The following PACRG variants were observed in gnomAD, a reference collection of about 807,000 sequenced individuals.
The protein encoded by PACRG is parkin coregulated.
In PACRG, 29 loss-of-function variants were observed where a neutral mutation model predicts 29.7. The ratio of observed to expected loss-of-function variants is 0.98; its 90% confidence interval spans 0.73 to 1.33. The LOEUF (loss-of-function observed/expected upper bound fraction) is 1.33, where lower values mean the gene tolerates loss of function less well. Ranked by LOEUF, PACRG falls within the 40% of genes most tolerant of loss-of-function variation. The probability of loss-of-function intolerance (pLI) is 0.00; values close to 1 mark genes in which losing one functional copy is unlikely to be tolerated. For missense variants in PACRG, 279 were observed against 316.2 expected (o/e 0.88, Z 0.89); for synonymous variants, 116 against 118.7 (o/e 0.98, Z 0.15).
chr6:163,257,139 A>G (rs1783145349), intron 4 of PACRG, among the ~76,000 whole-genome samples: 1 of 152,148 alleles, frequency 6.6e-6, no homozygotes, highest in South Asian at 2.1e-4. Flanking sequence ...GATCCTTAAT[A>G]ACATCTGCAA....
At chr6:162,887,765 A>G (rs879915511) in intron 2 of PACRG, among the ~76,000 whole-genome samples, 7 of 152,028 alleles carry the variant, frequency 4.6e-5, no homozygotes, top group Non-Finnish European at 8.8e-5. Context: ...GAGCCATCAG[A>G]CTGGTTTGCA....
chr6:162,950,686 T>G (rs1799582469), intron 2 of PACRG, among the ~76,000 whole-genome samples: 1 of 152,206 alleles, frequency 6.6e-6, no homozygotes, highest in Non-Finnish European at 1.5e-5. Flanking sequence ...TTTTTCTTGG[T>G]AAATGAATTA....
chr6:163,012,176 T>C (rs1805675922), intron 2 of PACRG, among the ~76,000 whole-genome samples: 1 of 152,258 alleles, frequency 6.6e-6, no homozygotes. Context: ...ATTAACATAT[T>C]GTACCCCTTT....
intron 2 of PACRG, among the ~76,000 whole-genome samples, chr6:163,037,166 T>A (rs1239656410): frequency 6.6e-6 from 1 of 152,184 alleles, no homozygotes; most frequent in Non-Finnish European, 1.5e-5. Context: ...TCATGAAATC[T>A]GGGAGTGGCA....
At position 162,975,246 on chromosome 6, in the gene PACRG, CT is replaced by C. The variant is rs1429857040; in HGVS notation, c.292-86903del. On this transcript the variant is annotated intron_variant, in intron 2 of 4. Coordinates refer to ENST00000366888, the MANE Select transcript of PACRG (RefSeq NM_001080379.2). ...GACCCAGCCACCGTCATGTAAATTGCTACCATGATCTAAGCTTAATTATCAT... is the reference window on the plus strand; with the variant it reads ...GACCCAGCCACCGTCATGTAAATTGCACCATGATCTAAGCTTAATTATCAT... Among the ~76,000 whole-genome samples the C allele has an allele frequency of 3.9e-5, 6 of 152,244 alleles. No individual in the cohort carries two copies. The East Asian group carries it at 9.7e-4, about 24-fold the overall frequency.
chr6:163,037,209 G>A (rs2128234104), intron 2 of PACRG, among the ~76,000 whole-genome samples: 1 of 152,244 alleles, frequency 6.6e-6, no homozygotes, highest in African/African-American at 2.4e-5. Context: ...CCCGTCCGAG[G>A]GTCTCAGGGC....
chr6:163,215,571 G>T (rs1309891138), intron 4 of PACRG, among the ~76,000 whole-genome samples: 1 of 152,166 alleles, frequency 6.6e-6, no homozygotes, highest in Non-Finnish European at 1.5e-5. Context: ...ATGCTCATGG[G>T]ACATCGAGGT....
chr6:163,267,353 T>C (rs9295217), intron 4 of PACRG, among the ~76,000 whole-genome samples: 102,392 of 152,058 alleles, frequency 0.67, 34,666 homozygotes, highest in African/African-American at 0.75. Flanking sequence ...TAAGTGCCTA[T>C]TATTCAGCAG....
chr6:162,806,700 G>A (rs900294320), intron 1 of PACRG, among the ~76,000 whole-genome samples: 26 of 152,156 alleles, frequency 1.7e-4, no homozygotes, highest in African/African-American at 6.0e-4. Flanking sequence ...CATTTACAGA[G>A]TACAGGAAGC....
At chr6:162,947,506 T>C (rs1429263914) in intron 2 of PACRG, among the ~76,000 whole-genome samples, 3 of 122,468 alleles carry the variant, frequency 2.4e-5, no homozygotes, top group African/African-American at 6.3e-5. Flanking sequence ...CATATATATA[T>C]AATCTATATA....
chr6:162,745,569 T>C (rs1780927619), intron 1 of PACRG, among the ~76,000 whole-genome samples: 1 of 152,086 alleles, frequency 6.6e-6, no homozygotes, highest in African/African-American at 2.4e-5. Flanking sequence ...AAAATAAAAA[T>C]CTCTATGCGA....
At chr6:163,141,095 G>T (rs900232172) in intron 4 of PACRG, among the ~76,000 whole-genome samples, 2 of 152,056 alleles carry the variant, frequency 1.3e-5, no homozygotes, top group Non-Finnish European at 1.5e-5. Flanking sequence ...AAAGGCAGAC[G>T]CCACAAAGAC....
intron 4 of PACRG, among the ~76,000 whole-genome samples, chr6:163,296,051 C>T (rs58466998): frequency 0.012 from 1,794 of 152,188 alleles, 28 homozygotes; most frequent in African/African-American, 0.041. Context: ...GTCTTCATAC[C>T]GCAGCCCCTG....
At chr6:162,771,566 A>T (rs1300279944) in intron 1 of PACRG, among the ~76,000 whole-genome samples, 1 of 152,016 alleles carries the variant, frequency 6.6e-6, no homozygotes, top group Non-Finnish European at 1.5e-5. Context: ...TACGAAGACC[A>T]GGTGTATTTT....
At chr6:163,123,268 C>CT (rs1816376034) in intron 4 of PACRG, among the ~76,000 whole-genome samples, 1 of 152,304 alleles carries the variant, frequency 6.6e-6, no homozygotes, top group Non-Finnish European at 1.5e-5. Context: ...GCATGATGTC[C>CT]TGCACACGTG....
chr6:162,787,521 A>G (rs923393402), intron 1 of PACRG, among the ~76,000 whole-genome samples: 35 of 134,650 alleles, frequency 2.6e-4, no homozygotes, highest in Middle Eastern at 7.8e-3. Context: ...GTGTGTGTAT[A>G]TGTGTGTGTG....
At chr6:163,137,897 C>T (rs1440452750) in intron 4 of PACRG, among the ~76,000 whole-genome samples, 16 of 152,252 alleles carry the variant, frequency 1.1e-4, no homozygotes, top group Non-Finnish European at 1.5e-5. Flanking sequence ...CAAATATTCT[C>T]ATGCTCCCTT....
intron 2 of PACRG, among the ~76,000 whole-genome samples, chr6:162,868,641 C>G (rs933619556): frequency 4.6e-5 from 7 of 152,070 alleles, no homozygotes; most frequent in Non-Finnish European, 8.8e-5. Flanking sequence ...CTAGGGCGCA[C>G]CCGAGCCGCC....
intron 2 of PACRG, among the ~76,000 whole-genome samples, chr6:162,942,701 A>G (rs1261190211): frequency 6.6e-6 from 1 of 152,090 alleles, no homozygotes; most frequent in African/African-American, 2.4e-5. Flanking sequence ...ATTACTCTGA[A>G]TTATTTTTTT....
Sources: allele counts gnomAD v4.1 joint callset (sites outside exome capture counted in the v4.1 genomes callset), GRCh38; gene constraint gnomAD v4.1.1; transcripts MANE v1.5; gene names NCBI Gene and HGNC (gene_info 2026-07-23, HGNC 2026-07-21).